The following SPPL2B variants were observed in gnomAD, a reference collection of about 807,000 sequenced individuals.
SPPL2B encodes the protein signal peptide peptidase like 2B, also known as signal peptide peptidase-like 2B.
In SPPL2B, 39 loss-of-function variants were observed where a neutral mutation model predicts 59.7. The observed-to-expected ratio is 0.65, with a 90% CI of 0.51 to 0.85. The LOEUF is 0.85. SPPL2B is among the 40% of genes least tolerant of loss of function. The probability of loss-of-function intolerance (pLI) is 0.00; values close to 1 mark genes in which losing one functional copy is unlikely to be tolerated. For missense variants in SPPL2B, 865 were observed against 849.0 expected (o/e 1.02, Z -0.23); for synonymous variants, 419 against 370.8 (o/e 1.13, Z -1.49).
intron 2 of SPPL2B, among the ~76,000 whole-genome samples, chr19:2,336,509 C>T (rs933712745): frequency 2.6e-5 from 4 of 151,026 alleles, no homozygotes; most frequent in African/African-American, 4.9e-5. Context: ...TAGGTATGTG[C>T]GTGTGAGTGT....
chr19:2,341,683 G>C, intron 8 of SPPL2B: 1 of 426,806 alleles, frequency 2.3e-6, no homozygotes, highest in South Asian at 1.6e-5. Flanking sequence ...TTGGAGCCAC[G>C]GCACGTTTAA....
At chr19:2,351,801 T>G in intron 14 of SPPL2B, 5 of 273,858 alleles carry the variant, frequency 1.8e-5, no homozygotes, top group Non-Finnish European at 1.8e-5. Flanking sequence ...GATGCGGGGG[T>G]GCCAGGTGGG....
chr19:2,347,549 C>T (rs1459019241), intron 13 of SPPL2B, among the ~76,000 whole-genome samples: 1 of 4,910 alleles, frequency 2.0e-4, no homozygotes, highest in Non-Finnish European at 2.7e-4. Context: ...CACGCGCTCT[C>T]ATTCGCTTGA....
At chr19:2,334,059 ACCGTGTGCCTGGGCCC>A (rs1968426886) in intron 1 of SPPL2B, among the ~76,000 whole-genome samples, 1 of 152,038 alleles carries the variant, frequency 6.6e-6, no homozygotes, top group African/African-American at 2.4e-5. Context: ...TCTGGGCCCC[ACCGTGTGCCTGGGCCC>A]CCGTGTGCCT....
In SPPL2B at chr19:2,343,278, CT is replaced by C; in HGVS notation, c.1025del (p.Leu342ArgfsTer28). On this transcript the variant is annotated frameshift_variant, in exon 9 of 15. Transcript: ENST00000613503. LOFTEE classifies it high-confidence loss of function. Reference sequence around the variant, plus strand: ...CCTCTACATGCTGAAGACCATCCGTCTGCCCACCTTCAAGGTGAGTGCAGGG... The same window carrying C: ...CCTCTACATGCTGAAGACCATCCGTCGCCCACCTTCAAGGTGAGTGCAGGG... Reference protein sequence around the residue: ...FCLYMLKTIRLPTFKACTLLL... With the variant: ...FCLYMLKTIRXPTFKACTLLL... 6.4e-7 allele frequency: 1 copy of C among 1,553,640 alleles called. No individual in the cohort carries two copies.
At chr19:2,341,367 C>G (rs118191570) in intron 8 of SPPL2B, 1 of 496,286 alleles carries the variant, frequency 2.0e-6, no homozygotes, top group Non-Finnish European at 3.9e-6. Context: ...ACGTGCACGC[C>G]GCAGGTTCGA....
rs781633405 is a variant in SPPL2B at position 2,345,330 on chromosome 19, G to T, written c.1354G>T (p.Ala452Ser). The T allele has an allele frequency of 4.0e-5, 65 of 1,612,840 alleles. No individual in the cohort carries two copies. The highest frequency in any genetic ancestry group is 5.3e-5 in the Non-Finnish European group (62 of 1,179,582). Residue 452 changes from alanine (A) to serine (S), a missense_variant and splice_region_variant, in exon 13 of 15, where the codon GCC becomes TCC. By Grantham distance (99) the Ala-to-Ser change is moderately conservative. Transcript: ENST00000613503. Reference protein sequence around the residue: ...SRVYFVACTIAYGVGLLVTFV... With the variant: ...SRVYFVACTISYGVGLLVTFV... The stretch of plus-strand genomic sequence containing the variant: ...GGTATACTTCGTGGCCTGCACCATC[G>T]GTAAGTGCCTCGGTTGGGCCCGTGC...
chr19:2,339,706 C>T, intron 5 of SPPL2B, 118 bp from the exon 6 acceptor site: 1 of 1,244,454 alleles, frequency 8.0e-7, no homozygotes, highest in Non-Finnish European at 1.1e-6. Context: ...TTCAGTCCCC[C>T]CCGGGTCCCC....
chr19:2,341,348 C>T (rs993195805), intron 8 of SPPL2B: 1 of 526,614 alleles, frequency 1.9e-6, no homozygotes, highest in Non-Finnish European at 3.7e-6. Context: ...TGTCCCTTTC[C>T]TGGCACCCAC....
intron 5 of SPPL2B, 72 bp downstream of exon 5, chr19:2,339,280 C>G: frequency 6.5e-7 from 1 of 1,529,120 alleles, no homozygotes; most frequent in Non-Finnish European, 8.8e-7. Context: ...GGCCAGTCTT[C>G]CAGAACAGCA....
intron 13 of SPPL2B, among the ~76,000 whole-genome samples, chr19:2,349,734 G>A (rs1348711742): frequency 7.2e-5 from 9 of 125,752 alleles, no homozygotes; most frequent in Non-Finnish European, 9.7e-5. Flanking sequence ...GCTTGATTCC[G>A]TTCTCTCTCT....
At chr19:2,343,127 A>C in intron 8 of SPPL2B, 84 bp from the exon 9 acceptor site, 2 of 1,074,812 alleles carry the variant, frequency 1.9e-6, no homozygotes, top group Non-Finnish European at 2.8e-6. Context: ...GCTGAGAGCA[A>C]GGGCCCTGTG....
rs963212452 is a variant in SPPL2B, at chr19:2,332,544, G to T, written c.67-2058G>T. Among the ~76,000 whole-genome samples, 1 of 152,220 alleles carries T rather than the reference G, an allele frequency of 6.6e-6. No individual in the cohort carries two copies. The highest frequency in any genetic ancestry group is 2.4e-5 in the African/African-American group (1 of 41,442). The stretch of plus-strand genomic sequence containing the variant: ...CATCCTGTTCCTGATGAGGCAAATG[G>T]CTGTGGCCTGTTTGTTTCCGTGACA... On this transcript the variant is annotated intron_variant, in intron 1 of 14. Transcript: ENST00000613503. This position sits in a 1 kb window ranked among gnomAD's most constrained non-coding sequence, Gnocchi z 4.6.
At chr19:2,340,872 G>T in intron 7 of SPPL2B, 26 bp from the exon 8 acceptor site, 1 of 1,459,416 alleles carries the variant, frequency 6.9e-7, no homozygotes, top group Non-Finnish European at 9.4e-7. Context: ...TGGTGGGCTT[G>T]GCTCTGACTG....
chr19:2,339,041 C>G (rs1473180405), intron 4 of SPPL2B, 28 bp from the exon 5 acceptor site: 4 of 1,537,812 alleles, frequency 2.6e-6, no homozygotes, highest in Non-Finnish European at 3.5e-6. Context: ...GGCTCTGACG[C>G]CTGCCTCCGG....
rs1011781934 is a variant in SPPL2B, at chr19:2,345,946, C to T, written c.1354+616C>T. ...CTCATTCTCCCTGGGCCTGTGCCTCCGTCCCCGTCTTTCTCATTTTCCCTG... is the reference window on the plus strand; with the variant it reads ...CTCATTCTCCCTGGGCCTGTGCCTCTGTCCCCGTCTTTCTCATTTTCCCTG... On this transcript the variant is annotated intron_variant, in intron 13 of 14. Coordinates refer to ENST00000613503, the MANE Select transcript of SPPL2B (RefSeq NM_152988.3). 3.9e-5 allele frequency among the ~76,000 whole-genome samples: 6 copies of T among 152,114 alleles called. No individual in the cohort carries two copies. The East Asian group carries it at 5.8e-4, about 15-fold the overall frequency.
intron 10 of SPPL2B, 124 bp downstream of exon 10, chr19:2,344,163 C>A: frequency 4.1e-6 from 2 of 483,468 alleles, no homozygotes; most frequent in South Asian, 3.8e-5. Context: ...CCCTCCACCC[C>A]ACACCGTGCT....
chr19:2,347,926 TCTCC>T (rs1224836406), intron 13 of SPPL2B, among the ~76,000 whole-genome samples: 2 of 40,310 alleles, frequency 5.0e-5, no homozygotes, highest in Non-Finnish European at 1.2e-4. Flanking sequence ...GATTCCGTTC[TCTCC>T]CTCCACACAC....
rs1393344828 is a variant in SPPL2B at position 2,347,448 on chromosome 19, A to T, written c.1354+2118A>T. On this transcript the variant is annotated intron_variant, in intron 13 of 14. Transcript: ENST00000613503. ...TTCCGTTCTCTCTCTCCACACACAC[A>T]CACTCTCATTCGCCTGATTCCGTTC... Among the ~76,000 whole-genome samples, 31 of 31,566 alleles carry T rather than the reference A, an allele frequency of 9.8e-4. 1 individual carries two copies. The highest frequency in any genetic ancestry group is 4.3e-3 in the African/African-American group (30 of 6,952). The allele number at this position is 31,566 out of a possible 152,430, so 20.7% of individuals were successfully genotyped here. A position where few individuals can be genotyped will look rare whatever the true frequency, so the allele number is the denominator to read the frequency against.
Sources: allele counts gnomAD v4.1 joint callset (sites outside exome capture counted in the v4.1 genomes callset), GRCh38; gene constraint gnomAD v4.1.1; non-coding constraint Gnocchi (gnomAD v3.1); transcripts MANE v1.5; gene names NCBI Gene and HGNC (gene_info 2026-07-23, HGNC 2026-07-21).